DMD: variants seen among roughly 807,000 people sequenced by gnomAD.
DMD encodes dystrophin.
DMD carries 63 observed loss-of-function variants against 330.1 expected under a neutral mutation model. That is an observed-to-expected ratio of 0.19 (90% confidence interval 0.16 to 0.24). The LOEUF (loss-of-function observed/expected upper bound fraction) is 0.24. DMD is among the 10% of genes least tolerant of loss of function. The pLI, the probability that DMD is intolerant of heterozygous loss-of-function variation, is 1.00. For missense variants in DMD, 3,344 were observed against 2,684.1 expected (o/e 1.25, Z -5.43); for synonymous variants, 1,223 against 959.8 (o/e 1.27, Z -5.07).
At chrX:33,093,035 G>A (rs1297446257) in intron 1 of DMD, among the ~76,000 whole-genome samples, 2 of 110,320 alleles carry the variant, frequency 1.8e-5, no homozygotes, top group African/African-American at 3.3e-5. Context: ...CACCACGTCC[G>A]GCTAATTTTT....
At chrX:32,534,370 C>A (rs1170232105) in intron 17 of DMD, among the ~76,000 whole-genome samples, 2 of 111,322 alleles carry the variant, frequency 1.8e-5, no homozygotes, top group East Asian at 5.7e-4. Context: ...TTAGTGCTGT[C>A]TTTGCGATAG....
intron 54 of DMD, among the ~76,000 whole-genome samples, chrX:31,645,463 A>T (rs1453948305): frequency 6.2e-5 from 7 of 112,335 alleles, no homozygotes; most frequent in African/African-American, 2.3e-4. Context: ...GGAGTCATAG[A>T]AAAAAATGTC....
intron 44 of DMD, among the ~76,000 whole-genome samples, chrX:32,103,299 C>T (rs1247814289): frequency 7.2e-5 from 8 of 111,713 alleles, no homozygotes; most frequent in Admixed American, 5.7e-4. Context: ...GCCCCACACG[C>T]GTTAGCACTT....
chrX:31,182,941 G>A (rs1169772648), intron 67 of DMD, 37 bp from the exon 68 acceptor site: 1 of 1,146,979 alleles, frequency 8.7e-7, no homozygotes, highest in Admixed American at 2.3e-5. Flanking sequence ...GAGGGCAAAA[G>A]GATGAAAGGA....
intron 53 of DMD, among the ~76,000 whole-genome samples, chrX:31,671,559 T>C (rs1277536729): frequency 8.9e-6 from 1 of 112,424 alleles, no homozygotes; most frequent in Non-Finnish European, 1.9e-5. Flanking sequence ...TTCTCTTCTA[T>C]TTTTTGGAAG....
chrX:32,966,618 C>T (rs563699716), intron 2 of DMD, among the ~76,000 whole-genome samples: 1 of 111,614 alleles, frequency 9.0e-6, no homozygotes, highest in East Asian at 2.8e-4. Context: ...TGAGTAGCTG[C>T]GACTTCATGC....
intron 1 of DMD, among the ~76,000 whole-genome samples, chrX:33,231,725 G>C (rs1218650840): frequency 9.0e-6 from 1 of 111,728 alleles, no homozygotes; most frequent in East Asian, 2.8e-4. Flanking sequence ...GAAGGAAGTA[G>C]GATTTTCTAA....
intron 60 of DMD, among the ~76,000 whole-genome samples, chrX:31,398,866 A>G (rs1602478780): frequency 9.0e-6 from 1 of 111,260 alleles, no homozygotes; most frequent in African/African-American, 3.3e-5. Context: ...TGGGAACTGG[A>G]GGGGAGCAAA....
chrX:32,766,564 T>A lies in DMD; in HGVS notation c.649+42929A>T, dbSNP rs73209900. ...TTGATTTTATTTACTGCAATTGTGC[T>A]TAATTTATTAGTTCTAGCAGGTTTT... On this transcript the variant is annotated intron_variant, in intron 7 of 78. Transcript: ENST00000357033. Among the ~76,000 whole-genome samples the A allele has an allele frequency of 2.8e-3, 314 of 111,583 alleles. 1 individual carries two copies. The Middle Eastern group carries it at 0.033, about 12-fold the overall frequency.
intron 13 of DMD, among the ~76,000 whole-genome samples, chrX:32,594,989 G>A (rs1209358757): frequency 9.0e-6 from 1 of 111,678 alleles, no homozygotes; most frequent in African/African-American, 3.3e-5. Flanking sequence ...TGCCCTTTTA[G>A]ATACTAGTCT....
upstream of DMD, among the ~76,000 whole-genome samples, chrX:33,212,119 T>A (rs181626656): frequency 3.0e-3 from 340 of 112,466 alleles, no homozygotes; most frequent in Non-Finnish European, 5.1e-3. Context: ...TGTGTATAGG[T>A]CTCATGGGAC....
At chrX:32,884,830 A>G (rs970647368) in intron 2 of DMD, among the ~76,000 whole-genome samples, 4 of 112,369 alleles carry the variant, frequency 3.6e-5, no homozygotes, top group African/African-American at 1.3e-4. Context: ...CCAAACAAGG[A>G]GAAGTGTATC....
At chrX:32,653,529 A>G (rs768088027) in intron 9 of DMD, among the ~76,000 whole-genome samples, 111 of 111,721 alleles carry the variant, frequency 9.9e-4, no homozygotes, top group African/African-American at 3.3e-3. Context: ...CTCTATTCTG[A>G]TACCAGTACC....
chrX:33,294,302 C>T (rs368029618), intron 1 of DMD, among the ~76,000 whole-genome samples: 21 of 111,097 alleles, frequency 1.9e-4, no homozygotes, highest in African/African-American at 6.8e-4. Flanking sequence ...TTGTTTTACT[C>T]GGGACAGCAT....
At chrX:31,972,021 G>A (rs968293233) in intron 44 of DMD, among the ~76,000 whole-genome samples, 13 of 111,253 alleles carry the variant, frequency 1.2e-4, no homozygotes, top group African/African-American at 3.9e-4. Flanking sequence ...TCTAACTCCC[G>A]TGGGGAGCTT....
At chrX:31,810,695 G>A (rs2092434727) in intron 50 of DMD, among the ~76,000 whole-genome samples, 1 of 112,095 alleles carries the variant, frequency 8.9e-6, no homozygotes, top group African/African-American at 3.2e-5. Context: ...ATTTCCTTTC[G>A]AAATCTTGTT....
intron 13 of DMD, among the ~76,000 whole-genome samples, chrX:32,581,138 C>G (rs1288300366): frequency 1.8e-5 from 2 of 112,433 alleles, no homozygotes; most frequent in African/African-American, 3.2e-5. Flanking sequence ...CAAAAGGTAT[C>G]TTATTTGAAA....
At chrX:33,180,432 C>T (rs992133492) in intron 1 of DMD, among the ~76,000 whole-genome samples, 2 of 111,687 alleles carry the variant, frequency 1.8e-5, no homozygotes, top group Non-Finnish European at 3.8e-5. Context: ...CTCACACACA[C>T]GCGCACACAC....
At chrX:32,133,380 C>T (rs1448770240) in intron 44 of DMD, among the ~76,000 whole-genome samples, 2 of 110,987 alleles carry the variant, frequency 1.8e-5, no homozygotes, top group Non-Finnish European at 3.8e-5. Flanking sequence ...TCCTTAGTCA[C>T]GTTGTCATTT....
Sources: gnomAD v4.1 joint callset for allele counts (sites outside exome capture counted in the v4.1 genomes callset) on GRCh38, gnomAD v4.1.1 for gene constraint, MANE v1.5 for transcripts, NCBI Gene and HGNC (gene_info 2026-07-23, HGNC 2026-07-21) for gene names.